The following IL12RB2 variants were observed in gnomAD, a reference collection of about 807,000 sequenced individuals.
The protein encoded by IL12RB2 is interleukin-12 receptor subunit beta-2.
IL12RB2 carries 82 observed loss-of-function variants against 89.4 expected under a neutral mutation model. That is an observed-to-expected ratio of 0.92 (90% CI 0.77 to 1.10). The LOEUF (loss-of-function observed/expected upper bound fraction) is 1.10, where lower values mean the gene tolerates loss of function less well. IL12RB2 is among the 50% of genes least tolerant of loss of function. The pLI is 0.00. For missense variants in IL12RB2, 963 were observed against 1,031.9 expected (o/e 0.93, Z 0.92); for synonymous variants, 368 against 370.1 (o/e 0.99, Z 0.07).
rs1666423288 is a variant in IL12RB2, at chr1:67,397,166, G to C, written c.*1077G>C. On this transcript the variant is annotated 3_prime_UTR_variant, in exon 17 of 17. Transcript: ENST00000674203. ...AAAAAAAGAATGTACCTTTTTCCTA[G>C]ATTTGCTGGTTTATTGTTTTATTTT... Among the ~76,000 whole-genome samples, 3 of 151,296 alleles carry C rather than the reference G, an allele frequency of 2.0e-5. No individual in the cohort carries two copies. The highest frequency in any genetic ancestry group is 2.0e-4 in the Admixed American group (3 of 15,182).
intron 9 of IL12RB2, among the ~76,000 whole-genome samples, chr1:67,339,909 C>T (rs923092013): frequency 6.6e-6 from 1 of 152,190 alleles, no homozygotes; most frequent in African/African-American, 2.4e-5. Context: ...TTGGCATGCT[C>T]ATAAGAGGTT....
chr1:67,346,374 GTCTATTTT>G, intron 9 of IL12RB2, among the ~76,000 whole-genome samples: 1 of 115,366 alleles, frequency 8.7e-6, no homozygotes, highest in East Asian at 2.6e-4. Context: ...GGTGAGGGTT[GTCTATTTT>G]TTTTTTTTTT....
rs114036998 is a variant in IL12RB2 at position 67,392,024 on chromosome 1, C to T, written c.2046+1896C>T. Among the ~76,000 whole-genome samples the T allele has an allele frequency of 4.1e-3, 626 of 152,194 alleles. 1 individual carries two copies. The highest frequency in any genetic ancestry group is 7.3e-3 in the Non-Finnish European group (499 of 68,006). On this transcript the variant is annotated intron_variant, in intron 16 of 16. Transcript: ENST00000674203. ...ACGTAACTTGCCCAATGTTAGTCAG[C>T]GAGTACATGGTGGATCCTGGACTCA...
At chr1:67,378,168 C>T (rs867825770) in intron 13 of IL12RB2, among the ~76,000 whole-genome samples, 1 of 152,024 alleles carries the variant, frequency 6.6e-6, no homozygotes, top group African/African-American at 2.4e-5. Flanking sequence ...TGAAATTTGT[C>T]TATTTTGTTT....
intron 11 of IL12RB2, 125 bp from the exon 12 acceptor site, chr1:67,372,311 C>A: frequency 1.3e-6 from 1 of 743,458 alleles, no homozygotes; most frequent in Non-Finnish European, 2.5e-6. Context: ...TGTGCTTGAA[C>A]CATCTTTAAA....
intron 14 of IL12RB2, among the ~76,000 whole-genome samples, chr1:67,386,020 C>A (rs1665094072): frequency 6.6e-6 from 1 of 151,722 alleles, no homozygotes; most frequent in Non-Finnish European, 1.5e-5. Context: ...ACCACCCTGG[C>A]CAATATGGTG....
At chr1:67,353,722 T>C (rs763225172) in intron 10 of IL12RB2, among the ~76,000 whole-genome samples, 5 of 152,242 alleles carry the variant, frequency 3.3e-5, no homozygotes, top group Non-Finnish European at 5.9e-5. Flanking sequence ...TTTTGCTTTT[T>C]ATATTTAAAA....
intron 16 of IL12RB2, among the ~76,000 whole-genome samples, chr1:67,395,270 GAAA>G (rs577998192): frequency 7.9e-6 from 1 of 126,970 alleles, no homozygotes; most frequent in African/African-American, 2.9e-5. Context: ...TTCGTCTCAA[GAAA>G]AAAAAAAAAA....
chr1:67,349,006 G>C (rs991298730), intron 9 of IL12RB2, among the ~76,000 whole-genome samples: 1 of 152,140 alleles, frequency 6.6e-6, no homozygotes, highest in African/African-American at 2.4e-5. Flanking sequence ...CTGGGTCCAT[G>C]CCCTCTGGAA....
chr1:67,381,743 G>A (rs1664600008), intron 14 of IL12RB2, among the ~76,000 whole-genome samples: 1 of 149,200 alleles, frequency 6.7e-6, no homozygotes, highest in Non-Finnish European at 1.5e-5. Context: ...TCCAGCCTGG[G>A]CGACAGAGTG....
chr1:67,319,569 C>G (rs1656222693), intron 2 of IL12RB2, among the ~76,000 whole-genome samples: 1 of 152,132 alleles, frequency 6.6e-6, no homozygotes, highest in Non-Finnish European at 1.5e-5. Context: ...ATCAGAAACT[C>G]TCACTGGTCA....
chr1:67,370,180 C>A (rs1165142098), intron 11 of IL12RB2, among the ~76,000 whole-genome samples: 1 of 152,038 alleles, frequency 6.6e-6, no homozygotes, highest in Non-Finnish European at 1.5e-5. Flanking sequence ...ATTATTAATT[C>A]AAAATGGCCC....
intron 2 of IL12RB2, among the ~76,000 whole-genome samples, chr1:67,315,737 G>A (rs1655673578): frequency 6.6e-6 from 1 of 152,218 alleles, no homozygotes. Flanking sequence ...ACTAAATTAT[G>A]TGGGGATGCC....
chr1:67,377,606 C>CCT, intron 13 of IL12RB2, among the ~76,000 whole-genome samples: 2 of 152,232 alleles, frequency 1.3e-5, no homozygotes, highest in Middle Eastern at 3.4e-3. Context: ...CTTTACCCCT[C>CCT]CTTTCACATG....
intron 9 of IL12RB2, among the ~76,000 whole-genome samples, chr1:67,349,944 G>A (rs1660645484): frequency 6.6e-6 from 1 of 152,230 alleles, no homozygotes; most frequent in African/African-American, 2.4e-5. Context: ...ATAATCGACA[G>A]AGGAAACCAA....
At chr1:67,347,374 A>G (rs1216644721) in intron 9 of IL12RB2, among the ~76,000 whole-genome samples, 3 of 152,202 alleles carry the variant, frequency 2.0e-5, no homozygotes, top group Non-Finnish European at 4.4e-5. Context: ...GAAGTTCAGT[A>G]AGTTTTTTAA....
intron 8 of IL12RB2, among the ~76,000 whole-genome samples, chr1:67,331,449 A>G (rs984503870): frequency 1.3e-5 from 2 of 152,232 alleles, no homozygotes; most frequent in Admixed American, 6.5e-5. Context: ...GAAGTATAAG[A>G]AAATATTTTA....
At chr1:67,395,493 T>C (rs1339270850) in intron 16 of IL12RB2, 54 bp from the exon 17 acceptor site, 4 of 1,613,642 alleles carry the variant, frequency 2.5e-6, no homozygotes, top group African/African-American at 1.3e-5. Flanking sequence ...GAGAAATAGG[T>C]TGTGAAGGTC....
rs1656357715 is a variant in IL12RB2, at chr1:67,320,562, G to A, written c.76+118G>A. 10 of 1,544,792 alleles carry A rather than the reference G, an allele frequency of 6.5e-6. 1 individual carries two copies. The South Asian group carries it at 1.0e-4, about 16-fold the overall frequency. On this transcript the variant is annotated intron_variant, in intron 3 of 16. Transcript: ENST00000674203. Reference sequence around the variant, plus strand: ...AGTTGGTCTTTTGTAGTCAATCTCTGTCATTTAAGTGGATAAGTCTGGTTC... The same window carrying A: ...AGTTGGTCTTTTGTAGTCAATCTCTATCATTTAAGTGGATAAGTCTGGTTC...
Sources: allele counts gnomAD v4.1 joint callset (sites outside exome capture counted in the v4.1 genomes callset), GRCh38; gene constraint gnomAD v4.1.1; transcripts MANE v1.5; gene names NCBI Gene and HGNC (gene_info 2026-07-23, HGNC 2026-07-21).